TPRX1: variants seen among roughly 807,000 people sequenced by gnomAD.
TPRX1 encodes tetrapeptide repeat homeobox 1, also known as tetra-peptide repeat homeobox protein 1.
In TPRX1, 2 loss-of-function variants were observed where a neutral mutation model predicts 8.1. The ratio of observed to expected loss-of-function variants is 0.25; its 90% CI spans 0.10 to 0.78. The LOEUF (loss-of-function observed/expected upper bound fraction) is 0.78. Ranked by LOEUF, TPRX1 falls within the 30% of genes least tolerant of loss-of-function variation. The pLI, the probability that TPRX1 is intolerant of heterozygous loss-of-function variation, is 0.70. For synonymous variants in TPRX1, 257 were observed against 254.1 expected, an observed-to-expected ratio of 1.01 and a Z score of -0.11; for missense variants, 517 against 586.9, an observed-to-expected ratio of 0.88 and a Z score of 1.23.
At chr19:47,809,440 A>G (rs1302364339) in intron 2 of TPRX1, among the ~76,000 whole-genome samples, 3 of 151,608 alleles carry the variant, frequency 2.0e-5, no homozygotes, top group African/African-American at 7.3e-5. Context: ...GTGCCACCAC[A>G]TCTGGCTAAT....
chr19:47,817,430 T>G lies in TPRX1; in HGVS notation c.151+1038A>C, dbSNP rs559001973. Among the ~76,000 whole-genome samples the G allele has an allele frequency of 6.0e-3, 911 of 152,276 alleles. 9 individuals carry two copies. The highest frequency in any genetic ancestry group is 0.014 in the Middle Eastern group (4 of 294). On this transcript the variant is annotated intron_variant, in intron 2 of 3. Transcript: ENST00000535759. ...CTGGGCCAGCACCTGCCCCGGAGCC[T>G]GTGCCCTCCTGATCACCAGGTGATA...
At chr19:47,810,959 G>A (rs1036961920) in intron 2 of TPRX1, among the ~76,000 whole-genome samples, 1 of 150,478 alleles carries the variant, frequency 6.6e-6, no homozygotes, top group Non-Finnish European at 1.5e-5. Flanking sequence ...TCGGTGTCTG[G>A]ACATTCATTC....
chr19:47,807,028 C>T (rs765583896), intron 2 of TPRX1, among the ~76,000 whole-genome samples: 49 of 151,998 alleles, frequency 3.2e-4, no homozygotes, highest in Non-Finnish European at 5.7e-4. Context: ...CCTCAGTCGC[C>T]CAAGTAGCTG....
intron 2 of TPRX1, among the ~76,000 whole-genome samples, chr19:47,817,688 GGA>G (rs1280588955): frequency 6.6e-6 from 1 of 152,028 alleles, no homozygotes. Context: ...TGCTCCCATG[GGA>G]TTCCCAGGGC....
chr19:47,815,162 A>ATT (rs1326536685), intron 2 of TPRX1, among the ~76,000 whole-genome samples: 46 of 74,698 alleles, frequency 6.2e-4, no homozygotes, highest in African/African-American at 8.1e-4. Flanking sequence ...ATATATATAT[A>ATT]TTTTTTTTTT....
chr19:47,816,960 A>G lies in TPRX1; in HGVS notation c.151+1508T>C, dbSNP rs368011002. The stretch of plus-strand genomic sequence containing the variant: ...TAAGTCTTCTGCAACCTGGTTGAAT[A>G]TCAGGCATTGATGTTTTATGATCTC... On this transcript the variant is annotated intron_variant, in intron 2 of 3. Coordinates refer to ENST00000535759, the Ensembl canonical transcript of TPRX1. 5.9e-5 allele frequency among the ~76,000 whole-genome samples: 9 copies of G among 152,302 alleles called. No individual in the cohort carries two copies. In the East Asian group the frequency reaches 9.6e-4, roughly 16 times the overall value.
chr19:47,801,916 T>G, exon 4 of TPRX1: 1 of 1,614,122 alleles, frequency 6.2e-7, no homozygotes, highest in Non-Finnish European at 8.5e-7. Flanking sequence ...AGACTGAGGA[T>G]CCCTCCAAGG....
chr19:47,808,965 C>T (rs1390711124), intron 2 of TPRX1, among the ~76,000 whole-genome samples: 1 of 152,112 alleles, frequency 6.6e-6, no homozygotes, highest in Non-Finnish European at 1.5e-5. Context: ...GAAGTGGTAA[C>T]CAATTAGTAA....
At chr19:47,811,739 C>T (rs1487998709) in intron 2 of TPRX1, among the ~76,000 whole-genome samples, 2 of 151,426 alleles carry the variant, frequency 1.3e-5, no homozygotes, top group African/African-American at 4.9e-5. Flanking sequence ...CCTCGTGATC[C>T]GCCCACCTCA....
intron 2 of TPRX1, among the ~76,000 whole-genome samples, chr19:47,816,162 G>A (rs891237876): frequency 3.3e-5 from 5 of 150,676 alleles, no homozygotes; most frequent in African/African-American, 1.2e-4. Context: ...TCCGCCTCGC[G>A]GGTTCAAGCA....
chr19:47,805,131 T>C (rs1380007700), intron 2 of TPRX1, among the ~76,000 whole-genome samples: 1 of 152,228 alleles, frequency 6.6e-6, no homozygotes, highest in Non-Finnish European at 1.5e-5. Context: ...TAGTACACAT[T>C]GGCCCTGCTG....
chr19:47,811,639 C>T (rs1032662917), intron 2 of TPRX1, among the ~76,000 whole-genome samples: 1 of 151,714 alleles, frequency 6.6e-6, no homozygotes, highest in Non-Finnish European at 1.5e-5. Context: ...GCTGGGACTA[C>T]AGTCATGCGC....
rs989134455 is a variant in TPRX1, at chr19:47,805,152, G to A, written c.152-1479C>T. On this transcript the variant is annotated intron_variant, in intron 2 of 3. Transcript: ENST00000535759. ...ACATTGGCCCTGCTGATAATGGTTT[G>A]GTTTCTGTAGTGGATTTGCCTATGG... Among the ~76,000 whole-genome samples the A allele has an allele frequency of 1.5e-4, 23 of 152,218 alleles. 1 individual carries two copies. Among genetic ancestry groups the A allele is most frequent in the Non-Finnish European group, 1.5e-5 (1 of 68,042 alleles).
chr19:47,802,460 G>A (rs753635490), exon 4 of TPRX1: 1 of 1,521,828 alleles, frequency 6.6e-7, no homozygotes, highest in South Asian at 1.2e-5. Context: ...GATCGGGCCT[G>A]GGTTTGGGCC....
chr19:47,807,931 C>T (rs554826311), intron 2 of TPRX1, among the ~76,000 whole-genome samples: 149 of 151,720 alleles, frequency 9.8e-4, no homozygotes, highest in African/African-American at 2.6e-3. Flanking sequence ...TACCCTTTGA[C>T]TCAATGATTT....
chr19:47,811,541 C>T (rs1967782841), intron 2 of TPRX1, among the ~76,000 whole-genome samples: 1 of 150,474 alleles, frequency 6.6e-6, no homozygotes, highest in Admixed American at 6.6e-5. Flanking sequence ...CTCTGTTGCC[C>T]CGGCTAGAGT....
intron 2 of TPRX1, among the ~76,000 whole-genome samples, chr19:47,815,125 T>TATATATATGCAA (rs1555800017): frequency 1.2e-4 from 12 of 97,430 alleles, no homozygotes; most frequent in Non-Finnish European, 1.7e-4. Context: ...TATATATATA[T>TATATATATGCAA]ATATATATAT....
intron 2 of TPRX1, among the ~76,000 whole-genome samples, chr19:47,814,695 A>G (rs1034262039): frequency 1.3e-5 from 2 of 152,168 alleles, no homozygotes; most frequent in Non-Finnish European, 2.9e-5. Flanking sequence ...CTGAACTGCA[A>G]GGAATCTTTG....
intron 2 of TPRX1, among the ~76,000 whole-genome samples, chr19:47,813,904 G>C: frequency 6.7e-6 from 1 of 148,856 alleles, no homozygotes. Context: ...GGGGGCGGCA[G>C]AGGACGAGGG....
Sources: allele counts gnomAD v4.1 joint callset (sites outside exome capture counted in the v4.1 genomes callset), GRCh38; gene constraint gnomAD v4.1.1; transcripts MANE v1.5; gene names NCBI Gene and HGNC (gene_info 2026-07-23, HGNC 2026-07-21).